FARS2: variants seen among roughly 807,000 people sequenced by gnomAD.
FARS2 encodes phenylalanyl-tRNA synthetase 2, mitochondrial, also known as phenylalanine--tRNA ligase, mitochondrial.
FARS2 carries 40 observed loss-of-function variants against 46.4 expected under a neutral mutation model. The ratio of observed to expected loss-of-function variants is 0.86; its 90% CI spans 0.67 to 1.12. FARS2 has a LOEUF of 1.12. FARS2 is among the 50% of genes most tolerant of loss of function. The probability of loss-of-function intolerance (pLI) is 0.00; values close to 1 mark genes in which losing one functional copy is unlikely to be tolerated. For synonymous variants in FARS2, 234 were observed against 214.9 expected, an observed-to-expected ratio of 1.09 and a Z score of -0.78; for missense variants, 513 against 567.9, an observed-to-expected ratio of 0.90 and a Z score of 0.98.
intron 3 of FARS2, among the ~76,000 whole-genome samples, chr6:5,421,879 T>C (rs1262986104): frequency 5.3e-5 from 8 of 152,354 alleles, no homozygotes; most frequent in African/African-American, 1.9e-4. Context: ...TTCTGTTTTC[T>C]TCTGAGCTCT....
At chr6:5,278,301 C>CA (rs1766480465) in intron 1 of FARS2, among the ~76,000 whole-genome samples, 1 of 152,186 alleles carries the variant, frequency 6.6e-6, no homozygotes, top group Non-Finnish European at 1.5e-5. Flanking sequence ...CATTAGTGCG[C>CA]TTTGGTTTTC....
chr6:5,560,477 T>G (rs1437968484), intron 5 of FARS2, among the ~76,000 whole-genome samples: 6 of 152,060 alleles, frequency 3.9e-5, no homozygotes, highest in Admixed American at 3.9e-4. Flanking sequence ...TAATATTTCT[T>G]TAGGATTTCT....
chr6:5,380,274 G>A (rs1352879829), intron 2 of FARS2, among the ~76,000 whole-genome samples: 2 of 152,088 alleles, frequency 1.3e-5, no homozygotes, highest in Non-Finnish European at 2.9e-5. Context: ...AAGATCTCAG[G>A]AAAATTATTG....
chr6:5,268,759 T>G (rs1765730636), intron 1 of FARS2, among the ~76,000 whole-genome samples: 1 of 152,208 alleles, frequency 6.6e-6, no homozygotes. Flanking sequence ...GGTAGCTTGA[T>G]GGGGATGGCA....
chr6:5,499,143 AG>A (rs1365505253), intron 4 of FARS2, among the ~76,000 whole-genome samples: 8 of 152,212 alleles, frequency 5.3e-5, no homozygotes, highest in Non-Finnish European at 1.2e-4. Flanking sequence ...TCTTGTTAAA[AG>A]AATCTTGGGC....
At chr6:5,377,881 A>G (rs1237137059) in intron 2 of FARS2, among the ~76,000 whole-genome samples, 1 of 152,196 alleles carries the variant, frequency 6.6e-6, no homozygotes, top group African/African-American at 2.4e-5. Flanking sequence ...TGCCTACCTT[A>G]TCTTAGTCCC....
rs372186342 is a variant in FARS2, at chr6:5,764,070, C to G, written c.1218-7221C>G. ...GTAAAGGAGGAAGATGGGGCGGATG[C>G]GTAGGTATGGAGCGCCTACTCTGGG... On this transcript the variant is annotated intron_variant, in intron 6 of 6. Coordinates refer to ENST00000274680, the MANE Select transcript of FARS2 (RefSeq NM_006567.5). The surrounding 1 kb of genome is among the most constrained non-coding windows in gnomAD (Gnocchi z 4.1). Among the ~76,000 whole-genome samples the G allele has an allele frequency of 9.2e-5, 14 of 152,172 alleles. 2 individuals carry two copies. In the South Asian group the frequency reaches 2.7e-3, roughly 29 times the overall value.
intron 5 of FARS2, among the ~76,000 whole-genome samples, chr6:5,562,765 T>A (rs1021375467): frequency 4.0e-5 from 6 of 150,716 alleles, no homozygotes; most frequent in Non-Finnish European, 5.9e-5. Flanking sequence ...TAATATAAAA[T>A]TAACTATTTA....
At chr6:5,382,024 C>G (rs1759827722) in intron 2 of FARS2, among the ~76,000 whole-genome samples, 1 of 152,194 alleles carries the variant, frequency 6.6e-6, no homozygotes, top group Admixed American at 6.5e-5. Context: ...CAGTGGGCAG[C>G]ATGGGTCCTG....
At chr6:5,307,952 T>A (rs1469266849) in intron 1 of FARS2, among the ~76,000 whole-genome samples, 1 of 152,136 alleles carries the variant, frequency 6.6e-6, no homozygotes, top group Non-Finnish European at 1.5e-5. Flanking sequence ...TAAATGCTTG[T>A]TTTTGACCTT....
intron 6 of FARS2, among the ~76,000 whole-genome samples, chr6:5,665,649 G>A (rs1046856406): frequency 1.3e-5 from 2 of 152,200 alleles, no homozygotes; most frequent in African/African-American, 4.8e-5. Flanking sequence ...ATCTGGGATA[G>A]AGAGAAGGAC....
At chr6:5,264,970 G>GT (rs55760923) in intron 1 of FARS2, among the ~76,000 whole-genome samples, 65,602 of 136,076 alleles carry the variant, frequency 0.48, 17,366 homozygotes, top group East Asian at 0.81. Context: ...ATTTTTAAGT[G>GT]TTTTTTTTTT....
intron 6 of FARS2, among the ~76,000 whole-genome samples, chr6:5,643,325 G>A (rs1377704404): frequency 6.6e-6 from 1 of 152,182 alleles, no homozygotes; most frequent in Admixed American, 6.5e-5. Flanking sequence ...ACACTGAGGA[G>A]TAATTACCTT....
intron 6 of FARS2, among the ~76,000 whole-genome samples, chr6:5,694,701 C>G (rs539099306): frequency 6.6e-6 from 1 of 152,070 alleles, no homozygotes; most frequent in East Asian, 1.9e-4. Flanking sequence ...AGGAGGAATC[C>G]TATATGGAAT....
In FARS2 at chr6:5,371,275, G is replaced by A. The variant is rs967069773; in HGVS notation, c.612+2093G>A. ...ACCTAATCTTAACTCTAAACAAAATGTTTTTTCGTCTTTCAGTTTATTCCC... is the reference window on the plus strand; with the variant it reads ...ACCTAATCTTAACTCTAAACAAAATATTTTTTCGTCTTTCAGTTTATTCCC... On this transcript the variant is annotated intron_variant, in intron 2 of 6. Transcript: ENST00000274680. 1.3e-4 allele frequency: 87 copies of A among 656,780 alleles called. No homozygotes were observed. The African/African-American group carries it at 1.6e-3, about 12-fold the overall frequency. The allele number at this position is 656,780 out of a possible 1,614,324, so 40.7% of individuals were successfully genotyped here. A position where few individuals can be genotyped will look rare whatever the true frequency, so the allele number is the denominator to read the frequency against.
intron 1 of FARS2, among the ~76,000 whole-genome samples, chr6:5,280,451 T>G (rs1283271395): frequency 6.6e-6 from 1 of 151,862 alleles, no homozygotes; most frequent in Non-Finnish European, 1.5e-5. Context: ...ATATATGGAC[T>G]GTTGTCTAAC....
intron 4 of FARS2, among the ~76,000 whole-genome samples, chr6:5,502,138 CAGCCTT>C (rs1235885516): frequency 6.6e-6 from 1 of 152,222 alleles, no homozygotes; most frequent in Non-Finnish European, 1.5e-5. Flanking sequence ...CTACCCCAGC[CAGCCTT>C]GTGGTCTCTC....
chr6:5,523,600 G>A (rs773731756), intron 4 of FARS2, among the ~76,000 whole-genome samples: 3 of 152,108 alleles, frequency 2.0e-5, no homozygotes, highest in African/African-American at 7.2e-5. Flanking sequence ...CGGCTCAGCC[G>A]CTGCATCAGA....
At chr6:5,739,048 T>G (rs1761138871) in intron 6 of FARS2, among the ~76,000 whole-genome samples, 1 of 152,226 alleles carries the variant, frequency 6.6e-6, no homozygotes, top group Non-Finnish European at 1.5e-5. Context: ...CACTACCCTC[T>G]GGCACCTACT....
Sources: allele counts gnomAD v4.1 joint callset (sites outside exome capture counted in the v4.1 genomes callset), GRCh38; gene constraint gnomAD v4.1.1; non-coding constraint Gnocchi (gnomAD v3.1); transcripts MANE v1.5; gene names NCBI Gene and HGNC (gene_info 2026-07-23, HGNC 2026-07-21).